Variants in APOB observed in about 807,000 individuals in gnomAD.
APOB encodes apolipoprotein B.
APOB carries 153 observed loss-of-function variants against 314.1 expected under a neutral mutation model. That is an observed-to-expected ratio of 0.49 (90% CI 0.43 to 0.56). APOB has a LOEUF of 0.56. Ranked by LOEUF, APOB falls within the 20% of genes least tolerant of loss-of-function variation. The pLI, the probability that APOB is intolerant of heterozygous loss-of-function variation, is 0.00. For synonymous variants in APOB, 2,087 were observed against 2,036.4 expected (o/e 1.02, Z -0.67); for missense variants, 5,430 against 5,350.7 (o/e 1.01, Z -0.46).
In APOB at chr2:21,010,351, G is replaced by C. The variant is rs200370790; in HGVS notation, c.6517C>G (p.Gln2173Glu). 3 of 1,575,074 alleles carry C rather than the reference G, an allele frequency of 1.9e-6. No individual in the cohort carries two copies. The African/African-American group carries it at 4.1e-5, about 21-fold the overall frequency. Residue 2173 changes from glutamine (Q) to glutamate (E), a missense_variant, in exon 26 of 29, where the codon CAA becomes GAA. Transcript: ENST00000233242. ...AKINFNEKLSQLQTYMIQFDQ... is the reference protein window; with the variant it reads ...AKINFNEKLSELQTYMIQFDQ... ...AATTGTATCATATATGTCTGCAGTT[G>C]AGATAGTTTTTCATTAAAGTTGATT...
At chr2:21,022,788 C>T (rs1248830853) in intron 18 of APOB, 43 bp downstream of exon 18, 21 of 1,594,234 alleles carry the variant, frequency 1.3e-5, no homozygotes, top group Non-Finnish European at 1.7e-5. Context: ...ATTCTCTGTT[C>T]TCTCTTTCAA....
intron 19 of APOB, 30 bp downstream of exon 19, chr2:21,019,693 A>G: frequency 6.2e-7 from 1 of 1,611,052 alleles, no homozygotes; most frequent in African/African-American, 1.3e-5. Flanking sequence ...AGGTGAGAAA[A>G]TGCTGGGTCA....
At chr2:21,033,568 A>T in intron 8 of APOB, 50 bp from the exon 9 acceptor site, 1 of 1,488,222 alleles carries the variant, frequency 6.7e-7, no homozygotes, top group South Asian at 1.1e-5. Context: ...CATCTCAACC[A>T]TATCTTTGTC....
intron 26 of APOB, 36 bp downstream of exon 26, chr2:21,005,044 T>C (rs375452123): frequency 2.9e-5 from 47 of 1,608,198 alleles, no homozygotes; most frequent in Non-Finnish European, 3.8e-5. Context: ...ATTGAAAATA[T>C]ACAGTATCTA....
chr2:21,005,022 C>T (rs1663088659), intron 26 of APOB, 58 bp downstream of exon 26: 2 of 1,586,390 alleles, frequency 1.3e-6, no homozygotes, highest in African/African-American at 1.3e-5. Context: ...TAATTATTTA[C>T]TCATAACTCT....
chr2:21,041,157 A>G, intron 3 of APOB, 74 bp from the exon 4 acceptor site: 1 of 1,492,470 alleles, frequency 6.7e-7, no homozygotes, highest in Non-Finnish European at 9.1e-7. Context: ...CCCAGGGCTT[A>G]ATCTCTAATC....
At chr2:21,038,227 G>T in intron 4 of APOB, 116 bp from the exon 5 acceptor site, 1 of 1,110,478 alleles carries the variant, frequency 9.0e-7, no homozygotes, top group Non-Finnish European at 1.3e-6. Context: ...TTGTTCTTCT[G>T]ACATCATTTA....
intron 4 of APOB, among the ~76,000 whole-genome samples, chr2:21,038,378 C>A (rs1664056818): frequency 6.6e-6 from 1 of 151,546 alleles, no homozygotes; most frequent in Non-Finnish European, 1.5e-5. Flanking sequence ...GCTCGGTCGC[C>A]CGGGCTGGAG....
chr2:21,043,386 TG>T, intron 2 of APOB, 126 bp downstream of exon 2: 1 of 1,120,456 alleles, frequency 8.9e-7, no homozygotes, highest in Non-Finnish European at 1.3e-6. Flanking sequence ...ACTTGCTTCC[TG>T]GGGTCAGAGC....
chr2:21,003,061 T>C lies in APOB; in HGVS notation c.12361A>G (p.Arg4121Gly). The C allele has an allele frequency of 6.4e-7, 1 of 1,572,748 alleles. No individual in the cohort carries two copies. The highest frequency in any genetic ancestry group is 8.6e-7 in the Non-Finnish European group (1 of 1,159,916). The change falls in exon 29 of 29, where the codon AGG becomes GGG. Residue 4121 changes from arginine (R) to glycine (G), a missense_variant. By Grantham distance (125) the Arg-to-Gly change is moderately radical. This residue lies in a region of APOB where 3,281 missense variants were observed against 3,171.0 expected (regional missense o/e 1.03). Transcript: ENST00000233242. ...CTCACGTCGATATCATCAATTTGCCTAATGGCCCCTTGATAAACCCACTCA... is the reference window on the plus strand; with the variant it reads ...CTCACGTCGATATCATCAATTTGCCCAATGGCCCCTTGATAAACCCACTCA... ...NAEWVYQGAI[R>G]QIDDIDVRFQ...
chr2:21,037,867 T>C (rs1249537783), intron 5 of APOB, 91 bp downstream of exon 5: 1 of 1,502,822 alleles, frequency 6.7e-7, no homozygotes, highest in African/African-American at 1.4e-5. Context: ...TGGAGCTGAC[T>C]CAGTGATCTG....
In APOB at chr2:21,008,399, A is replaced by G. The variant is rs531216195; in HGVS notation, c.8469T>C (p.Ala2823=). The G allele has an allele frequency of 1.3e-3, 2,047 of 1,614,056 alleles. 50 individuals carry two copies. In the South Asian group the frequency reaches 0.021, roughly 17 times the overall value. ...TGGAGAACTTCACTGACTCCTTCAGAGCCAGCGGATTAATCTTAGGGTTTG... is the reference window on the plus strand; with the variant it reads ...TGGAGAACTTCACTGACTCCTTCAGGGCCAGCGGATTAATCTTAGGGTTTG... ...QLSNPKINPL[A]LKESVKFSSK... Residue 2823 remains alanine, a synonymous_variant, in exon 26 of 29, where the codon GCT becomes GCC. Coordinates refer to ENST00000233242, the MANE Select transcript of APOB (RefSeq NM_000384.3).
chr2:21,037,144 G>A lies in APOB; in HGVS notation c.649C>T (p.Pro217Ser), dbSNP rs573308525. 41 of 1,614,222 alleles carry A rather than the reference G, an allele frequency of 2.5e-5. No homozygotes were observed. The South Asian group carries it at 4.3e-4, about 17-fold the overall frequency. ...AGTGGGCTGATGCCTGTGCGGATGG[G>A]CTTGAAGCGATCACACTGCCCCAGG... ...RDLGQCDRFK[P>S]IRTGISPLAL... The change falls in exon 6 of 29, where the codon CCC becomes TCC. Residue 217 changes from proline to serine, a missense_variant. Transcript: ENST00000233242.
chr2:21,005,442 G>T lies in APOB; in HGVS notation c.11426C>A (p.Pro3809His). 1 of 1,614,044 alleles carries T rather than the reference G, an allele frequency of 6.2e-7. No homozygotes were observed. The highest frequency in any genetic ancestry group is 8.5e-7 in the Non-Finnish European group (1 of 1,179,956). The stretch of plus-strand genomic sequence containing the variant: ...TTCAGGCACGGTTATCTCAAAAAAG[G>T]GAATCAAGGAGTCTTCTGGTTGAGA... ...KYSQPEDSLIPFFEITVPESQ... is the reference protein window; with the variant it reads ...KYSQPEDSLIHFFEITVPESQ... Residue 3809 changes from proline (P) to histidine (H), a missense_variant, in exon 26 of 29, where the codon CCC becomes CAC. By Grantham distance (77) the Pro-to-His change is moderately conservative. Around this residue, in one of 3 missense-constraint regions of APOB, gnomAD observed 3,281 missense variants for 3,171.0 expected, o/e 1.03. Coordinates refer to ENST00000233242, the MANE Select transcript of APOB (RefSeq NM_000384.3).
rs1336674600 is a variant in APOB, at chr2:21,006,888, C to A, written c.9980G>T (p.Ser3327Ile). The A allele has an allele frequency of 6.2e-7, 1 of 1,613,922 alleles. No individual in the cohort carries two copies. The highest frequency in any genetic ancestry group is 8.5e-7 in the Non-Finnish European group (1 of 1,179,958). ...LPDFKELCTI[S>I]HIFIPAMGNI... ...GCCCATGGCAGGAATAAAAATATGGCTTATGGTACACAATTCCTTGAAATC... is the reference window on the plus strand; with the variant it reads ...GCCCATGGCAGGAATAAAAATATGGATTATGGTACACAATTCCTTGAAATC... Residue 3327 changes from serine to isoleucine, a missense_variant, in exon 26 of 29, where the codon AGC (serine) becomes ATC (isoleucine). Ser to Ile is a moderately radical substitution (Grantham distance 142). Transcript: ENST00000233242.
intron 18 of APOB, among the ~76,000 whole-genome samples, chr2:21,022,504 G>A (rs1463935984): frequency 6.6e-6 from 1 of 152,110 alleles, no homozygotes; most frequent in African/African-American, 2.4e-5. Context: ...CAGAGCTATT[G>A]TTTCTTCATT....
chr2:21,023,705 C>T lies in APOB; in HGVS notation c.2437-13G>A, dbSNP rs1019200690. 2.8e-5 allele frequency: 44 copies of T among 1,577,070 alleles called. No individual in the cohort carries two copies. The Admixed American group carries it at 3.3e-4, about 12-fold the overall frequency. On this transcript the variant is annotated splice_polypyrimidine_tract_variant and intron_variant, in intron 16 of 28. Transcript: ENST00000233242. ...TGACCTCTCCAATCTGTAGACCCAA[C>T]AAGGGAGAGCAAATAAAAGTAAGTC...
chr2:21,023,015 AG>A lies in APOB; in HGVS notation c.2631del (p.Ser878ProfsTer7), dbSNP rs868388197. ...ANMQAELVAK[P>X]SVSVEFVTNM... is the part of the protein sequence containing the mutation. ...TTTGTCACAAACTCCACAGACACGGAGGGTTTTGCCACCAGTTCAGCCTGCA... is the reference window on the plus strand; with the variant it reads ...TTTGTCACAAACTCCACAGACACGGAGGTTTTGCCACCAGTTCAGCCTGCA... On this transcript the variant is annotated frameshift_variant, in exon 18 of 29. Transcript: ENST00000233242. LOFTEE classifies it high-confidence loss of function. The A allele has an allele frequency of 6.2e-7, 1 of 1,614,186 alleles. No homozygotes were observed. Among genetic ancestry groups the A allele is most frequent in the Non-Finnish European group, 8.5e-7 (1 of 1,180,036 alleles).
intron 27 of APOB, 46 bp downstream of exon 27, chr2:21,004,515 G>A: frequency 6.2e-7 from 1 of 1,612,198 alleles, no homozygotes; most frequent in Non-Finnish European, 8.5e-7. Context: ...AAATCACAAT[G>A]AGTTTTCAAA....
Sources: gnomAD v4.1 joint callset for allele counts (sites outside exome capture counted in the v4.1 genomes callset) on GRCh38, gnomAD v4.1.1 for gene constraint, gnomAD v4.1.1 regional missense constraint, MANE v1.5 for transcripts, NCBI Gene and HGNC (gene_info 2026-07-23, HGNC 2026-07-21) for gene names.